SRPK2: variants seen among roughly 807,000 people sequenced by gnomAD.
SRPK2 encodes SRSF protein kinase 2.
SRPK2 carries 21 observed loss-of-function variants against 90.8 expected under a neutral mutation model. The observed-to-expected ratio is 0.23, with a 90% CI of 0.16 to 0.33. The LOEUF (loss-of-function observed/expected upper bound fraction) is 0.33. Among genes scored for constraint, SRPK2 ranks in the 10% least tolerant of loss-of-function variants. SRPK2 has a pLI of 1.00. For synonymous variants in SRPK2, 288 were observed against 311.1 expected (o/e 0.93, Z 0.78); for missense variants, 620 against 869.0 (o/e 0.71, Z 3.60).
intron 11 of SRPK2, among the ~76,000 whole-genome samples, chr7:105,140,100 T>C (rs1803487277): frequency 6.6e-6 from 1 of 152,130 alleles, no homozygotes; most frequent in Non-Finnish European, 1.5e-5. Context: ...TATACTGTAT[T>C]GTTTAGGGAG....
rs530728933 is a variant in SRPK2, at chr7:105,388,908, C to G, written c.-102G>C. The G allele has an allele frequency of 5.6e-5, 68 of 1,224,526 alleles. 1 individual carries two copies. The South Asian group carries it at 2.3e-3, about 41-fold the overall frequency. The allele number at this position is 1,224,526 out of a possible 1,614,324, so 75.9% of individuals were successfully genotyped here. A position where few individuals can be genotyped will look rare whatever the true frequency, so the allele number is the denominator to read the frequency against. ...ACTCGCTCCGCCGGCCGGGAGGAGA[C>G]GAGAACCGCGCCTGCGCCGCCGCCG... On this transcript the variant is annotated 5_prime_UTR_variant, in exon 1 of 16. Coordinates refer to ENST00000393651, the MANE Select transcript of SRPK2 (RefSeq NM_182692.3).
At chr7:105,291,548 G>T (rs964870871) in intron 2 of SRPK2, among the ~76,000 whole-genome samples, 1 of 152,080 alleles carries the variant, frequency 6.6e-6, no homozygotes, top group Non-Finnish European at 1.5e-5. Flanking sequence ...GGCCAATATG[G>T]TGAAACCCCA....
At position 105,182,655 on chromosome 7, in the gene SRPK2, A is replaced by T. The variant is rs187135901; in HGVS notation, c.230-13390T>A. On this transcript the variant is annotated intron_variant, in intron 3 of 15. Coordinates refer to ENST00000393651, the MANE Select transcript of SRPK2 (RefSeq NM_182692.3). The stretch of plus-strand genomic sequence containing the variant: ...TTTATTTATTTATTTTTAAGTAGAG[A>T]TGGGATTTGGCCATGTTGGCCAGGC... 7.2e-5 allele frequency among the ~76,000 whole-genome samples: 11 copies of T among 152,192 alleles called. No individual in the cohort carries two copies. In the East Asian group the frequency reaches 1.9e-3, roughly 27 times the overall value.
intron 7 of SRPK2, among the ~76,000 whole-genome samples, chr7:105,151,103 A>T (rs10256116): frequency 0.015 from 2,260 of 152,010 alleles, 42 homozygotes; most frequent in African/African-American, 0.043. Context: ...GATTTTTTTT[A>T]AAAAAAATTG....
intron 11 of SRPK2, 140 bp downstream of exon 11, chr7:105,141,868 T>A: frequency 2.3e-6 from 2 of 876,952 alleles, no homozygotes; most frequent in Non-Finnish European, 3.4e-6. Flanking sequence ...CATTACTTCT[T>A]CAGGAGTATA....
At chr7:105,363,975 G>A (rs781334431) in intron 2 of SRPK2, among the ~76,000 whole-genome samples, 1 of 151,266 alleles carries the variant, frequency 6.6e-6, no homozygotes, top group Non-Finnish European at 1.5e-5. Context: ...GTAGGTGGGA[G>A]CCGGACAATG....
chr7:105,354,758 T>A lies in SRPK2; in HGVS notation c.71+33890A>T, dbSNP rs556746978. ...TACAGTCAGATATATAACTCACATG[T>A]ACAATTCACCCAATTAAAGTGCACA... On this transcript the variant is annotated intron_variant, in intron 2 of 15. Coordinates refer to ENST00000393651, the MANE Select transcript of SRPK2 (RefSeq NM_182692.3). 1.8e-4 allele frequency among the ~76,000 whole-genome samples: 27 copies of A among 152,212 alleles called. 1 individual carries two copies. The highest frequency in any genetic ancestry group is 3.5e-4 in the Non-Finnish European group (24 of 68,042).
intron 3 of SRPK2, among the ~76,000 whole-genome samples, chr7:105,170,993 A>AAGAG (rs758665252): frequency 7.2e-6 from 1 of 138,950 alleles, no homozygotes; most frequent in African/African-American, 2.7e-5. Context: ...GAAAGAAAGA[A>AAGAG]AGAGAAAGAA....
intron 13 of SRPK2, among the ~76,000 whole-genome samples, chr7:105,127,430 C>T (rs1013265308): frequency 6.6e-6 from 1 of 152,322 alleles, no homozygotes; most frequent in Non-Finnish European, 1.5e-5. Flanking sequence ...CCAGCACCTG[C>T]CTCAACCACT....
intron 3 of SRPK2, among the ~76,000 whole-genome samples, chr7:105,195,013 A>G (rs1365689965): frequency 6.6e-6 from 1 of 152,158 alleles, no homozygotes; most frequent in Non-Finnish European, 1.5e-5. Context: ...TACTGCTGAC[A>G]TTTTGGCACT....
At chr7:105,164,308 T>C (rs1808183266) in intron 6 of SRPK2, among the ~76,000 whole-genome samples, 1 of 152,204 alleles carries the variant, frequency 6.6e-6, no homozygotes, top group Non-Finnish European at 1.5e-5. Context: ...GGAAAATACC[T>C]CAGAAAACTT....
At chr7:105,306,283 T>C (rs1450852849) in intron 2 of SRPK2, 2 of 262,886 alleles carry the variant, frequency 7.6e-6, no homozygotes, top group Non-Finnish European at 1.5e-5. Context: ...ATCTTTTCAG[T>C]GCACTGGGCT....
Position 105,203,660 on chromosome 7 carries a change from T to G in SRPK2, c.197A>C (p.Glu66Ala), listed in dbSNP as rs138485008. 2 of 1,546,692 alleles carry G rather than the reference T, an allele frequency of 1.3e-6. No individual in the cohort carries two copies. Among genetic ancestry groups the G allele is most frequent in the African/African-American group, 2.8e-5 (2 of 71,750 alleles). Reference sequence around the variant, plus strand: ...GTAGTCCGCAGGGTCCTCTTGCTCCTCATCATCTGATCCCAGGATCTCCTC... The same window carrying G: ...GTAGTCCGCAGGGTCCTCTTGCTCCGCATCATCTGATCCCAGGATCTCCTC... Reference protein sequence around the residue: ...PEEEILGSDDEEQEDPADYCK... With the variant: ...PEEEILGSDDAEQEDPADYCK... The change falls in exon 3 of 16, where the codon GAG becomes GCG. Residue 66 changes from glutamate to alanine, a missense_variant. Coordinates refer to ENST00000393651, the MANE Select transcript of SRPK2 (RefSeq NM_182692.3).
intron 2 of SRPK2, among the ~76,000 whole-genome samples, chr7:105,251,602 ATAAT>A (rs1802488666): frequency 6.6e-6 from 1 of 152,250 alleles, no homozygotes; most frequent in Non-Finnish European, 1.5e-5. Context: ...ATAAATGAAT[ATAAT>A]AACACCTACC....
rs565991792 is a variant in SRPK2, at chr7:105,372,964, C to T, written c.71+15684G>A. On this transcript the variant is annotated intron_variant, in intron 2 of 15. Transcript: ENST00000393651. ...ATTAGCTGGGCATGGTGTCATGTGC[C>T]TGTAATCCCAGCTACTTGGGCCACT... is the stretch of plus-strand genomic sequence containing the variant. Among the ~76,000 whole-genome samples the T allele has an allele frequency of 5.3e-5, 8 of 152,240 alleles. No homozygotes were observed. In the East Asian group the frequency reaches 1.5e-3, roughly 29 times the overall value.
At chr7:105,166,203 A>C (rs1790039446) in intron 6 of SRPK2, among the ~76,000 whole-genome samples, 1 of 152,268 alleles carries the variant, frequency 6.6e-6, no homozygotes, top group Non-Finnish European at 1.5e-5. Flanking sequence ...CAAGAAACAG[A>C]AAAATGTAAA....
At chr7:105,346,345 C>G (rs1472131525) in intron 2 of SRPK2, among the ~76,000 whole-genome samples, 1 of 152,068 alleles carries the variant, frequency 6.6e-6, no homozygotes, top group East Asian at 1.9e-4. Context: ...TCACATAACT[C>G]TCTATGATGC....
chr7:105,249,548 C>A (rs1399905578), intron 2 of SRPK2, among the ~76,000 whole-genome samples: 1 of 151,382 alleles, frequency 6.6e-6, no homozygotes, highest in African/African-American at 2.4e-5. Context: ...ACTCTAAATG[C>A]CTGAATTTCA....
At chr7:105,150,202 G>A (rs1805431489) in intron 7 of SRPK2, among the ~76,000 whole-genome samples, 2 of 152,218 alleles carry the variant, frequency 1.3e-5, no homozygotes, top group Admixed American at 1.3e-4. Context: ...GGATAATACT[G>A]CAATTAGGAT....
Sources: allele counts gnomAD v4.1 joint callset (sites outside exome capture counted in the v4.1 genomes callset), GRCh38; gene constraint gnomAD v4.1.1; transcripts MANE v1.5; gene names NCBI Gene and HGNC (gene_info 2026-07-23, HGNC 2026-07-21).